Variants in STX8 observed in about 807,000 individuals in gnomAD.
STX8 encodes syntaxin 8, also known as syntaxin-8.
Under a neutral mutation model 37.5 loss-of-function variants are expected in STX8, and 23 were observed. That is an observed-to-expected ratio of 0.61 (90% confidence interval 0.44 to 0.87). The LOEUF is 0.87. Ranked by LOEUF, STX8 falls within the 40% of genes least tolerant of loss-of-function variation. The pLI is 0.00. For synonymous variants in STX8, 115 were observed against 99.1 expected (o/e 1.16, Z -0.95); for missense variants, 313 against 284.7 (o/e 1.10, Z -0.71).
At chr17:9,532,241 C>G (rs1432307027) in intron 4 of STX8, among the ~76,000 whole-genome samples, 2 of 151,944 alleles carry the variant, frequency 1.3e-5, no homozygotes, top group East Asian at 3.9e-4. Flanking sequence ...CATACATAAC[C>G]TAAAAACTTC....
chr17:9,465,523 T>C (rs1905572519), intron 6 of STX8, among the ~76,000 whole-genome samples: 1 of 152,108 alleles, frequency 6.6e-6, no homozygotes, highest in African/African-American at 2.4e-5. Flanking sequence ...TTGTGCGTGG[T>C]GAAAAGGAAA....
intron 6 of STX8, among the ~76,000 whole-genome samples, chr17:9,378,917 A>C (rs1597634644): frequency 6.6e-6 from 1 of 152,188 alleles, no homozygotes; most frequent in East Asian, 1.9e-4. Context: ...TGACCTGCCG[A>C]ATTTATGCCT....
chr17:9,384,794 T>TG (rs1911932769), intron 6 of STX8, among the ~76,000 whole-genome samples: 3 of 147,656 alleles, frequency 2.0e-5, no homozygotes, highest in African/African-American at 7.5e-5. Context: ...CCAGATAGAC[T>TG]TGTGTGTGTG....
intron 3 of STX8, among the ~76,000 whole-genome samples, chr17:9,548,103 T>TATC (rs1906620127): frequency 6.6e-6 from 1 of 150,606 alleles, no homozygotes; most frequent in South Asian, 2.1e-4. Context: ...ATTCTTTCTT[T>TATC]ATTATTATTA....
rs1912524505 is a variant in STX8 at position 9,399,442 on chromosome 17, G to C, written c.542-20789C>G. Among the ~76,000 whole-genome samples, 3 of 152,222 alleles carry C rather than the reference G, an allele frequency of 2.0e-5. No individual in the cohort carries two copies. In the South Asian group the frequency reaches 6.2e-4, roughly 31 times the overall value. On this transcript the variant is annotated intron_variant, in intron 6 of 7. Coordinates refer to ENST00000306357, the MANE Select transcript of STX8 (RefSeq NM_004853.3). Reference sequence around the variant, plus strand: ...GAGGAGTGGCAAAGCTGGGTCTGTAGTGCAACCTGTCTGATTCTGGCAGCT... The same window carrying C: ...GAGGAGTGGCAAAGCTGGGTCTGTACTGCAACCTGTCTGATTCTGGCAGCT...
At chr17:9,316,919 G>A (rs1260335829) in intron 7 of STX8, among the ~76,000 whole-genome samples, 1 of 152,196 alleles carries the variant, frequency 6.6e-6, no homozygotes, top group Non-Finnish European at 1.5e-5. Context: ...GAGAACTGAT[G>A]AGCAAGGAAA....
intron 7 of STX8, among the ~76,000 whole-genome samples, chr17:9,267,151 C>T (rs1907259216): frequency 6.6e-6 from 1 of 152,098 alleles, no homozygotes; most frequent in Non-Finnish European, 1.5e-5. Context: ...GCTGAAACAC[C>T]ATGGGCTGCG....
intron 6 of STX8, among the ~76,000 whole-genome samples, chr17:9,409,795 A>G (rs879912695): frequency 7.6e-6 from 1 of 130,912 alleles, no homozygotes; most frequent in Admixed American, 1.1e-4. Context: ...ACTGGGGGGA[A>G]AAAAAGCCAG....
At chr17:9,276,055 G>T (rs1907664690) in intron 7 of STX8, among the ~76,000 whole-genome samples, 1 of 151,552 alleles carries the variant, frequency 6.6e-6, no homozygotes, top group Non-Finnish European at 1.5e-5. Context: ...TTAGATCAGA[G>T]CTCTGGCTGA....
At chr17:9,324,700 G>A (rs1209381981) in intron 7 of STX8, among the ~76,000 whole-genome samples, 1 of 149,602 alleles carries the variant, frequency 6.7e-6, no homozygotes, top group African/African-American at 2.5e-5. Context: ...GGGAAGTGAA[G>A]GTTGCAGTGA....
chr17:9,489,198 A>T (rs1020694896), intron 6 of STX8, among the ~76,000 whole-genome samples: 14 of 152,130 alleles, frequency 9.2e-5, no homozygotes, highest in Non-Finnish European at 1.3e-4. Flanking sequence ...TAAGCCACTA[A>T]ACTGGTGGTA....
intron 7 of STX8, among the ~76,000 whole-genome samples, chr17:9,266,055 G>A (rs1467440583): frequency 6.6e-6 from 1 of 152,038 alleles, no homozygotes; most frequent in Non-Finnish European, 1.5e-5. Flanking sequence ...AAACATTGCG[G>A]GTAAGACTAG....
chr17:9,557,008 T>C (rs976434812), intron 3 of STX8: 9 of 165,250 alleles, frequency 5.4e-5, no homozygotes, highest in Non-Finnish European at 1.1e-4. Context: ...TCTACTGGTA[T>C]TGCCCACTCC....
At chr17:9,441,733 T>G (rs1228701720) in intron 6 of STX8, among the ~76,000 whole-genome samples, 2 of 137,298 alleles carry the variant, frequency 1.5e-5, no homozygotes, top group African/African-American at 5.4e-5. Context: ...TGGAGTGCAG[T>G]GGCGCGATCT....
chr17:9,289,763 G>C (rs748139696), intron 7 of STX8, among the ~76,000 whole-genome samples: 1 of 150,770 alleles, frequency 6.6e-6, no homozygotes, highest in African/African-American at 2.4e-5. Flanking sequence ...CTGGGTGACA[G>C]AGCAAGACTC....
intron 6 of STX8, among the ~76,000 whole-genome samples, chr17:9,402,264 C>T (rs1054926154): frequency 2.4e-4 from 36 of 152,022 alleles, no homozygotes; most frequent in Non-Finnish European, 1.3e-4. Flanking sequence ...GAATTACAGG[C>T]ATGCACCACC....
At chr17:9,383,786 G>C (rs1911898731) in intron 6 of STX8, among the ~76,000 whole-genome samples, 2 of 152,070 alleles carry the variant, frequency 1.3e-5, no homozygotes, top group Admixed American at 6.6e-5. Flanking sequence ...ACAGTCAATA[G>C]TAAAAGGCAA....
In STX8 at chr17:9,562,613, AATATAT is replaced by A. The variant is rs796718340; in HGVS notation, c.118-5091_118-5086del. Among the ~76,000 whole-genome samples the A allele has an allele frequency of 9.5e-3, 485 of 51,206 alleles. 1 individual carries two copies. The East Asian group carries it at 0.2, about 21-fold the overall frequency. The allele number at this position is 51,206 out of a possible 152,430, so 33.6% of individuals were successfully genotyped here. Reference sequence around the variant, plus strand: ...AAGACAGTTCACAGAAAAAAAAAAAAATATATATATATATATATGGCCCTTAAGCAT... The same window carrying A: ...AAGACAGTTCACAGAAAAAAAAAAAAATATATATATATGGCCCTTAAGCAT... On this transcript the variant is annotated intron_variant, in intron 2 of 7. Transcript: ENST00000306357.
rs998402720 is a variant in STX8 at position 9,274,857 on chromosome 17, T to A, written c.644-24212A>T. On this transcript the variant is annotated intron_variant, in intron 7 of 7. Transcript: ENST00000306357. ...CCTCCACCTCCCAGGTTCAAGCAAT[T>A]CTCCTGCTTCAGCCTCCCAAGTAGC... 3.9e-4 allele frequency among the ~76,000 whole-genome samples: 56 copies of A among 145,116 alleles called. 1 individual carries two copies. Among genetic ancestry groups the A allele is most frequent in the African/African-American group, 1.3e-3 (51 of 39,730 alleles).
Sources: gnomAD v4.1 joint callset for allele counts (sites outside exome capture counted in the v4.1 genomes callset) on GRCh38, gnomAD v4.1.1 for gene constraint, MANE v1.5 for transcripts, NCBI Gene and HGNC (gene_info 2026-07-23, HGNC 2026-07-21) for gene names.